CCDC171: variants seen among roughly 807,000 people sequenced by gnomAD.
The protein encoded by CCDC171 is coiled-coil domain containing 171.
CCDC171 carries 177 observed loss-of-function variants against 168.2 expected under a neutral mutation model. The observed-to-expected ratio is 1.05, with a 90% CI of 0.93 to 1.19. The LOEUF (loss-of-function observed/expected upper bound fraction) is 1.19. Among genes scored for constraint, CCDC171 ranks in the 50% most tolerant of loss-of-function variants. CCDC171 has a pLI of 0.00. For missense variants in CCDC171, 1,991 were observed against 1,539.0 expected (o/e 1.29, Z -4.91); for synonymous variants, 687 against 540.8 (o/e 1.27, Z -3.75).
At chr9:15,854,427 T>C (rs2061268066) in intron 23 of CCDC171, among the ~76,000 whole-genome samples, 1 of 151,648 alleles carries the variant, frequency 6.6e-6, no homozygotes, top group African/African-American at 2.4e-5. Context: ...GTAAGGTTAG[T>C]AGTAATGTCC....
At chr9:15,913,068 G>GGAGTTC (rs2131864527) in intron 24 of CCDC171, among the ~76,000 whole-genome samples, 1 of 152,338 alleles carries the variant, frequency 6.6e-6, no homozygotes, top group South Asian at 2.1e-4. Context: ...GAGTTAGGGA[G>GGAGTTC]GAGTTCCTCT....
At chr9:15,726,498 C>T (rs1219723289) in intron 14 of CCDC171, among the ~76,000 whole-genome samples, 2 of 152,118 alleles carry the variant, frequency 1.3e-5, no homozygotes, top group Non-Finnish European at 2.9e-5. Flanking sequence ...ACATTTTGAC[C>T]TAGTTAAATA....
intron 10 of CCDC171, among the ~76,000 whole-genome samples, chr9:15,692,821 C>G (rs2050913437): frequency 6.6e-6 from 1 of 151,218 alleles, no homozygotes; most frequent in Non-Finnish European, 1.5e-5. Flanking sequence ...GCCACAGCTC[C>G]CGGCCATAGT....
At chr9:15,672,526 G>A (rs1445925882) in intron 9 of CCDC171, among the ~76,000 whole-genome samples, 5 of 152,148 alleles carry the variant, frequency 3.3e-5, no homozygotes, top group Non-Finnish European at 1.5e-5. Context: ...GTTAATTTTT[G>A]TATAAGGTGT....
In CCDC171 at chr9:15,735,344, T is replaced by C. The variant is rs1363793387; in HGVS notation, c.2049+5546T>C. Among the ~76,000 whole-genome samples the C allele has an allele frequency of 3.9e-5, 6 of 152,232 alleles. No individual in the cohort carries two copies. In the East Asian group the frequency reaches 1.2e-3, roughly 29 times the overall value. On this transcript the variant is annotated intron_variant, in intron 16 of 25. Transcript: ENST00000380701. ...CACATACCATTCCATTTACTAACTT[T>C]GTTTTTGTAATCTTAGCATTTATGT...
chr9:16,033,926 C>G (rs938486398), intron 6 of CCDC171, among the ~76,000 whole-genome samples: 4 of 152,146 alleles, frequency 2.6e-5, no homozygotes, highest in African/African-American at 9.7e-5. Context: ...ACACAGGGAG[C>G]TCAAGGGAGG....
At chr9:16,101,666 G>A in the CCDC171 span, among the ~76,000 whole-genome samples, 8 of 152,228 alleles carry the variant, frequency 5.3e-5, no homozygotes, top group Non-Finnish European at 8.8e-5. Context: ...GGCCTTTGAA[G>A]CAGTAGAAAA....
At chr9:15,627,815 C>A (rs906430887) in intron 7 of CCDC171, among the ~76,000 whole-genome samples, 3 of 152,072 alleles carry the variant, frequency 2.0e-5, no homozygotes, top group African/African-American at 7.2e-5. Context: ...ATGGAGAGTA[C>A]CGTAGATGTC....
At chr9:16,057,705 C>T (rs1235892562) in intron 1 of CCDC171, among the ~76,000 whole-genome samples, 1 of 152,238 alleles carries the variant, frequency 6.6e-6, no homozygotes, top group Admixed American at 6.5e-5. Context: ...CACACAAGCC[C>T]TGTTGCCAGA....
chr9:15,799,950 G>A (rs2058740408), intron 21 of CCDC171, among the ~76,000 whole-genome samples: 1 of 152,072 alleles, frequency 6.6e-6, no homozygotes. Context: ...CAAATGACAA[G>A]ATCTCATTCT....
At chr9:15,861,027 C>G (rs2061535476) in intron 23 of CCDC171, among the ~76,000 whole-genome samples, 1 of 127,916 alleles carries the variant, frequency 7.8e-6, no homozygotes, top group South Asian at 2.8e-4. Context: ...TAATGTTATT[C>G]TTTGTCTCTC....
intron 18 of CCDC171, among the ~76,000 whole-genome samples, chr9:15,774,660 G>T (rs1345592273): frequency 1.3e-5 from 2 of 152,240 alleles, no homozygotes; most frequent in African/African-American, 4.8e-5. Flanking sequence ...GCACACGCAT[G>T]TTGATAGCAG....
At chr9:16,107,454 T>C in the CCDC171 span, among the ~76,000 whole-genome samples, 2 of 152,152 alleles carry the variant, frequency 1.3e-5, no homozygotes, top group East Asian at 1.9e-4. Flanking sequence ...ATTGCCCCCA[T>C]GGAGAATGTA....
At chr9:15,798,403 CTG>C (rs1245015826) in intron 21 of CCDC171, among the ~76,000 whole-genome samples, 1 of 151,716 alleles carries the variant, frequency 6.6e-6, no homozygotes, top group East Asian at 1.9e-4. Context: ...ATATTTATTT[CTG>C]TTATTTTTAT....
At chr9:15,810,660 C>G (rs897795306) in intron 21 of CCDC171, among the ~76,000 whole-genome samples, 1 of 152,212 alleles carries the variant, frequency 6.6e-6, no homozygotes, top group Admixed American at 6.5e-5. Context: ...TAAGCCCCTC[C>G]CTGCCTGGGG....
intron 25 of CCDC171, among the ~76,000 whole-genome samples, chr9:15,927,140 A>G (rs531077175): frequency 6.6e-6 from 1 of 151,692 alleles, no homozygotes; most frequent in South Asian, 2.1e-4. Flanking sequence ...TTTAGGTAAC[A>G]TTTTCAGTTT....
intron 13 of CCDC171, among the ~76,000 whole-genome samples, chr9:15,724,383 C>G (rs1405157572): frequency 6.6e-6 from 1 of 152,050 alleles, no homozygotes; most frequent in Non-Finnish European, 1.5e-5. Context: ...TTTGAGATTT[C>G]TATAAGTGGT....
chr9:15,887,397 A>C (rs1195474236), intron 24 of CCDC171, among the ~76,000 whole-genome samples: 1 of 152,092 alleles, frequency 6.6e-6, no homozygotes, highest in Non-Finnish European at 1.5e-5. Flanking sequence ...CCCTTTTCCC[A>C]CCAAAAGTCT....
At chr9:15,774,177 C>T (rs2057169292) in intron 18 of CCDC171, among the ~76,000 whole-genome samples, 1 of 136,448 alleles carries the variant, frequency 7.3e-6, no homozygotes, top group African/African-American at 2.8e-5. Context: ...ACCCAGGTGG[C>T]ATAGGTTGCA....
Sources: gnomAD v4.1 joint callset for allele counts (sites outside exome capture counted in the v4.1 genomes callset) on GRCh38, gnomAD v4.1.1 for gene constraint, MANE v1.5 for transcripts, NCBI Gene and HGNC (gene_info 2026-07-23, HGNC 2026-07-21) for gene names.